DIAPH3: variants seen among roughly 807,000 people sequenced by gnomAD.
DIAPH3 encodes diaphanous related formin 3.
DIAPH3 carries 117 observed loss-of-function variants against 144.3 expected under a neutral mutation model. The ratio of observed to expected loss-of-function variants is 0.81; its 90% CI spans 0.70 to 0.95. The LOEUF (loss-of-function observed/expected upper bound fraction) is 0.95, where lower values mean the gene tolerates loss of function less well. DIAPH3 is among the 40% of genes least tolerant of loss of function. The pLI is 0.00. For synonymous variants in DIAPH3, 519 were observed against 488.9 expected (o/e 1.06, Z -0.81); for missense variants, 1,421 against 1,412.7 (o/e 1.01, Z -0.09).
chr13:59,812,143 A>T (rs906636527), intron 24 of DIAPH3, among the ~76,000 whole-genome samples: 1 of 152,204 alleles, frequency 6.6e-6, no homozygotes, highest in African/African-American at 2.4e-5. Context: ...TAGAGTTAGT[A>T]CAAGTTCTTC....
At chr13:60,033,604 AT>A (rs1363120008) in intron 5 of DIAPH3, among the ~76,000 whole-genome samples, 1 of 152,214 alleles carries the variant, frequency 6.6e-6, no homozygotes, top group Admixed American at 6.5e-5. Flanking sequence ...ACCAGATCTC[AT>A]GAAAATTCAC....
In DIAPH3 at chr13:60,105,053, G is replaced by A. The variant is rs549448264; in HGVS notation, c.390+6957C>T. On this transcript the variant is annotated intron_variant, in intron 3 of 27. Transcript: ENST00000400324. The stretch of plus-strand genomic sequence containing the variant: ...AGAGCTTGCAGTGAGCTGAGATTGC[G>A]CCACTATACTCCATCCAGCCTGGGC... Among the ~76,000 whole-genome samples the A allele has an allele frequency of 4.2e-5, 5 of 118,294 alleles. No individual in the cohort carries two copies. In the East Asian group the frequency reaches 1.1e-3, roughly 26 times the overall value. 77.6% of individuals were successfully genotyped at this position (118,294 alleles called of 152,430 possible). A position where few individuals can be genotyped will look rare whatever the true frequency, so the allele number is the denominator to read the frequency against.
In DIAPH3 at chr13:60,043,283, G is replaced by A. The variant is rs185582981; in HGVS notation, c.496-463C>T. 2.9e-4 allele frequency among the ~76,000 whole-genome samples: 44 copies of A among 152,202 alleles called. 1 individual carries two copies. Among genetic ancestry groups the A allele is most frequent in the Middle Eastern group, 3.4e-3 (1 of 294 alleles). ...GTAGACACATGGATTAACAAAAAGC[G>A]AAGTCTGGAAGAAATGCAAGCAAGA... On this transcript the variant is annotated intron_variant, in intron 4 of 27. Coordinates refer to ENST00000400324, the MANE Select transcript of DIAPH3 (RefSeq NM_001042517.2).
intron 27 of DIAPH3, among the ~76,000 whole-genome samples, chr13:59,692,338 T>C (rs188748362): frequency 5.3e-5 from 8 of 152,076 alleles, no homozygotes; most frequent in Admixed American, 1.3e-4. Context: ...AGAGGTCATT[T>C]AAATCATTTC....
At chr13:59,834,219 G>A (rs945439402) in intron 23 of DIAPH3, among the ~76,000 whole-genome samples, 1 of 151,594 alleles carries the variant, frequency 6.6e-6, no homozygotes, top group African/African-American at 2.4e-5. Context: ...AATTGCTAAT[G>A]CAGTCAGATA....
chr13:60,052,820 G>A (rs1360501625), intron 4 of DIAPH3, among the ~76,000 whole-genome samples: 1 of 151,484 alleles, frequency 6.6e-6, no homozygotes, highest in Non-Finnish European at 1.5e-5. Context: ...AATTAGCCAG[G>A]TTTGGTAGGA....
intron 2 of DIAPH3, among the ~76,000 whole-genome samples, chr13:60,125,394 ATTTTTTTTTTTTT>A (rs56267083): frequency 2.0e-5 from 2 of 97,824 alleles, no homozygotes; most frequent in Admixed American, 1.2e-4. Flanking sequence ...CACCCAGCTA[ATTTTTTTTTTTTT>A]TTTTTTTTTT....
At chr13:60,032,251 A>C (rs1025408882) in intron 5 of DIAPH3, among the ~76,000 whole-genome samples, 2 of 152,082 alleles carry the variant, frequency 1.3e-5, no homozygotes, top group Non-Finnish European at 2.9e-5. Flanking sequence ...CTTGGGTCTG[A>C]AGAGCACTGA....
chr13:59,944,590 A>T (rs2048707400), intron 17 of DIAPH3, among the ~76,000 whole-genome samples: 1 of 152,176 alleles, frequency 6.6e-6, no homozygotes, highest in Non-Finnish European at 1.5e-5. Flanking sequence ...ACCAATCTTC[A>T]CAAGGAAGCA....
At chr13:59,833,294 T>C in intron 23 of DIAPH3, 23 bp from the exon 24 acceptor site, 1 of 1,585,786 alleles carries the variant, frequency 6.3e-7, no homozygotes, top group African/African-American at 1.3e-5. Flanking sequence ...TAAGGTATTC[T>C]GAAATTTACA....
rs1040096613 is a variant in DIAPH3, at chr13:60,010,818, G to C, written c.772-149C>G. ...TATAGACTGTGTAACACTCTAAAAA[G>C]TTCATGGCTGGGCACGGTGGTTCAC... On this transcript the variant is annotated intron_variant, in intron 7 of 27. Coordinates refer to ENST00000400324, the MANE Select transcript of DIAPH3 (RefSeq NM_001042517.2). 3.0e-5 allele frequency: 24 copies of C among 807,554 alleles called. No homozygotes were observed. In the African/African-American group the frequency reaches 4.2e-4, roughly 14 times the overall value. The allele number at this position is 807,554 out of a possible 1,614,324, so 50.0% of individuals were successfully genotyped here. A position where few individuals can be genotyped will look rare whatever the true frequency, so the allele number is the denominator to read the frequency against.
chr13:60,004,698 A>G lies in DIAPH3; in HGVS notation c.1014+3846T>C, dbSNP rs183677154. Among the ~76,000 whole-genome samples, 8 of 152,326 alleles carry G rather than the reference A, an allele frequency of 5.3e-5. No individual in the cohort carries two copies. In the East Asian group the frequency reaches 1.5e-3, roughly 29 times the overall value. On this transcript the variant is annotated intron_variant, in intron 9 of 27. Transcript: ENST00000400324. ...AATAAATTTGAATGATGCTAAAATA[A>G]TCTTTCACTTCTTAAAAATTAAGCT...
intron 18 of DIAPH3, among the ~76,000 whole-genome samples, chr13:59,921,973 A>G (rs2047540687): frequency 6.6e-6 from 1 of 152,118 alleles, no homozygotes. Flanking sequence ...ATTTCAATAG[A>G]TAGAAAAATA....
At chr13:59,998,461 TGAATAAC>T (rs1363595990) in intron 9 of DIAPH3, among the ~76,000 whole-genome samples, 1 of 152,160 alleles carries the variant, frequency 6.6e-6, no homozygotes, top group African/African-American at 2.4e-5. Flanking sequence ...TAGCAGTCAC[TGAATAAC>T]TAAGTAATTG....
At chr13:59,908,393 A>AAAAAAAAG (rs1555331342) in intron 20 of DIAPH3, among the ~76,000 whole-genome samples, 10 of 111,240 alleles carry the variant, frequency 9.0e-5, no homozygotes, top group Non-Finnish European at 1.2e-4. Flanking sequence ...AAAAAAAAAA[A>AAAAAAAAG]AGTAAGACAT....
intron 27 of DIAPH3, among the ~76,000 whole-genome samples, chr13:59,678,440 T>C (rs2032760136): frequency 6.6e-6 from 1 of 152,156 alleles, no homozygotes; most frequent in African/African-American, 2.4e-5. Context: ...TCATCCTTAT[T>C]TCTATTTACA....
intron 27 of DIAPH3, among the ~76,000 whole-genome samples, chr13:59,668,323 A>C (rs2032142513): frequency 6.6e-6 from 1 of 152,172 alleles, no homozygotes; most frequent in South Asian, 2.1e-4. Context: ...TAAATGTAGA[A>C]TGTTGGCCAG....
intron 20 of DIAPH3, among the ~76,000 whole-genome samples, chr13:59,888,585 T>C (rs565004938): frequency 1.3e-5 from 2 of 152,270 alleles, no homozygotes; most frequent in East Asian, 1.9e-4. Context: ...ATCAATCTAA[T>C]TGGAATTATA....
intron 1 of DIAPH3, among the ~76,000 whole-genome samples, chr13:60,139,427 C>T (rs1030983584): frequency 6.6e-6 from 1 of 152,136 alleles, no homozygotes; most frequent in Non-Finnish European, 1.5e-5. Flanking sequence ...GAAAGACAAA[C>T]ATACCATGTA....
Sources: allele counts gnomAD v4.1 joint callset (sites outside exome capture counted in the v4.1 genomes callset), GRCh38; gene constraint gnomAD v4.1.1; transcripts MANE v1.5; gene names NCBI Gene and HGNC (gene_info 2026-07-23, HGNC 2026-07-21).